SEPTIN9: variants seen among roughly 807,000 people sequenced by gnomAD.
SEPTIN9 encodes the protein septin-9.
A neutral mutation model predicts 56.6 loss-of-function variants in SEPTIN9; 13 were observed. The observed-to-expected ratio is 0.23, with a 90% confidence interval of 0.15 to 0.37. The LOEUF (loss-of-function observed/expected upper bound fraction) is 0.37. Among genes scored for constraint, SEPTIN9 ranks in the 10% least tolerant of loss-of-function variants. The probability of loss-of-function intolerance (pLI) is 1.00; values close to 1 mark genes in which losing one functional copy is unlikely to be tolerated. For synonymous variants in SEPTIN9, 332 were observed against 334.1 expected, an observed-to-expected ratio of 0.99 and a Z score of 0.07; for missense variants, 650 against 823.1, an observed-to-expected ratio of 0.79 and a Z score of 2.57.
intron 2 of SEPTIN9, among the ~76,000 whole-genome samples, chr17:77,351,808 T>C (rs942719754): frequency 1.3e-5 from 2 of 152,134 alleles, no homozygotes; most frequent in East Asian, 3.9e-4. Flanking sequence ...TCAGATGAGG[T>C]GCAGAGAAGG....
At position 77,326,056 on chromosome 17, in the gene SEPTIN9, T is replaced by C. The variant is rs2033127404; in HGVS notation, c.76+18859T>C. On this transcript the variant is annotated intron_variant, in intron 2 of 11. Transcript: ENST00000427177. The surrounding 1 kb of genome is among the most constrained non-coding windows in gnomAD (Gnocchi z 5.1). ...TTGGCTTGTCACCCCTGGAAGCACT[T>C]GCCATCCTTATACAGCACCCCACAC... 6.6e-6 allele frequency among the ~76,000 whole-genome samples: 1 copy of C among 152,130 alleles called. No individual in the cohort carries two copies. Among genetic ancestry groups the C allele is most frequent in the Non-Finnish European group, 1.5e-5 (1 of 68,008 alleles).
chr17:77,386,731 G>A (rs1250751866), intron 2 of SEPTIN9, among the ~76,000 whole-genome samples: 2 of 152,166 alleles, frequency 1.3e-5, no homozygotes, highest in African/African-American at 4.8e-5. Flanking sequence ...GGGAAAGATC[G>A]GGGAGGCCTC....
At chr17:77,484,996 G>A (rs796520845) in intron 4 of SEPTIN9, among the ~76,000 whole-genome samples, 2 of 106,766 alleles carry the variant, frequency 1.9e-5, no homozygotes, top group Non-Finnish European at 4.4e-5. Flanking sequence ...TTGTGATGGT[G>A]GTGAAGGGGG....
At chr17:77,484,910 A>T (rs1460290476) in intron 4 of SEPTIN9, among the ~76,000 whole-genome samples, 1 of 13,682 alleles carries the variant, frequency 7.3e-5, no homozygotes, top group East Asian at 2.5e-3. Flanking sequence ...GGTGATGGTG[A>T]TGATGGTGGT....
At chr17:77,403,959 AC>A (rs2144107251) in intron 3 of SEPTIN9, among the ~76,000 whole-genome samples, 1 of 152,212 alleles carries the variant, frequency 6.6e-6, no homozygotes, top group East Asian at 1.9e-4. Context: ...GCTGGCAGCC[AC>A]CATTCTATTT....
At chr17:77,385,337 A>C (rs1266554043) in intron 2 of SEPTIN9, among the ~76,000 whole-genome samples, 4 of 151,940 alleles carry the variant, frequency 2.6e-5, no homozygotes, top group African/African-American at 9.7e-5. Flanking sequence ...AGAATCCTAC[A>C]AGAGGAAAGC....
chr17:77,417,879 A>C (rs312910), intron 3 of SEPTIN9, among the ~76,000 whole-genome samples: 61,677 of 151,912 alleles, frequency 0.41, 13,010 homozygotes, highest in African/African-American at 0.5. Context: ...GGGTTGGGGC[A>C]CCTCAGCACC....
In SEPTIN9 at chr17:77,434,584, C is replaced by G. The variant is rs1368913618; in HGVS notation, c.721+31881C>G. On this transcript the variant is annotated intron_variant, in intron 3 of 11. Coordinates refer to ENST00000427177, the MANE Select transcript of SEPTIN9 (RefSeq NM_001113491.2). This position sits in a 1 kb window ranked among gnomAD's most constrained non-coding sequence, Gnocchi z 5.0. ...GACCCTCTGTGGGCTGCAGGTAGTC[C>G]CCTGTGGTTGAAGGTGCCCTGGCAG... Among the ~76,000 whole-genome samples the G allele has an allele frequency of 6.6e-6, 1 of 152,178 alleles. No homozygotes were observed. Among genetic ancestry groups the G allele is most frequent in the East Asian group, 1.9e-4 (1 of 5,196 alleles).
At chr17:77,358,943 AC>A (rs1306833409) in intron 2 of SEPTIN9, among the ~76,000 whole-genome samples, 1 of 152,148 alleles carries the variant, frequency 6.6e-6, no homozygotes, top group Admixed American at 6.5e-5. Context: ...GGGGCCCAGG[AC>A]AGCCCGGACC....
At chr17:77,360,608 A>G (rs1306096220) in intron 2 of SEPTIN9, among the ~76,000 whole-genome samples, 4 of 149,272 alleles carry the variant, frequency 2.7e-5, no homozygotes, top group African/African-American at 9.9e-5. Flanking sequence ...TCTGTCGCCC[A>G]GGCTGGCGTG....
intron 3 of SEPTIN9, among the ~76,000 whole-genome samples, chr17:77,454,619 G>A (rs545439094): frequency 2.6e-5 from 4 of 152,322 alleles, no homozygotes; most frequent in African/African-American, 4.8e-5. Context: ...GCCTTGCTCC[G>A]GGGCCTGTAG....
intron 3 of SEPTIN9, chr17:77,472,890 A>C (rs1486500160): frequency 6.6e-6 from 1 of 152,214 alleles, no homozygotes; most frequent in Non-Finnish European, 1.5e-5. Context: ...CCCCACCCAC[A>C]CACATTTGCA....
At chr17:77,284,634 A>G (rs1226215414) in intron 1 of SEPTIN9, among the ~76,000 whole-genome samples, 1 of 151,608 alleles carries the variant, frequency 6.6e-6, no homozygotes, top group East Asian at 1.9e-4. Flanking sequence ...AATTTTATTT[A>G]TTTATTTATT....
At position 77,436,961 on chromosome 17, in the gene SEPTIN9, T is replaced by G. The variant is rs1354345622; in HGVS notation, c.721+34258T>G. On this transcript the variant is annotated intron_variant, in intron 3 of 11. Transcript: ENST00000427177. This position sits in a 1 kb window ranked among gnomAD's most constrained non-coding sequence, Gnocchi z 4.4. ...TGAGTGGAAGATGCAGGACACAGAT[T>G]CACGCGATTGTGCAGATCACCTGGC... is the stretch of plus-strand genomic sequence containing the variant. Among the ~76,000 whole-genome samples, 1 of 152,206 alleles carries G rather than the reference T, an allele frequency of 6.6e-6. No individual in the cohort carries two copies. The highest frequency in any genetic ancestry group is 1.5e-5 in the Non-Finnish European group (1 of 68,026).
chr17:77,450,472 C>A lies in SEPTIN9; in HGVS notation c.722-31672C>A, dbSNP rs997146300. 10 of 985,264 alleles carry A rather than the reference C, an allele frequency of 1.0e-5. No individual in the cohort carries two copies. Among genetic ancestry groups the A allele is most frequent in the Admixed American group, 6.1e-5 (1 of 16,268 alleles). 61.0% of individuals were successfully genotyped at this position (985,264 alleles called of 1,614,324 possible). ...CCCCCAGCAAGCCCTCGGAACGAGCCCACTCCCAGGCGCTCTCTCCTAGTG... is the reference window on the plus strand; with the variant it reads ...CCCCCAGCAAGCCCTCGGAACGAGCACACTCCCAGGCGCTCTCTCCTAGTG... On this transcript the variant is annotated intron_variant, in intron 3 of 11. Coordinates refer to ENST00000427177, the MANE Select transcript of SEPTIN9 (RefSeq NM_001113491.2). This position sits in a 1 kb window ranked among gnomAD's most constrained non-coding sequence, Gnocchi z 6.0.
rs775390560 is a variant in SEPTIN9 at position 77,475,717 on chromosome 17, C to T, written c.722-6427C>T. 24 of 1,613,186 alleles carry T rather than the reference C, an allele frequency of 1.5e-5. No homozygotes were observed. The highest frequency in any genetic ancestry group is 1.4e-4 in the South Asian group (13 of 91,090). On this transcript the variant is annotated intron_variant, in intron 3 of 11. Coordinates refer to ENST00000427177, the MANE Select transcript of SEPTIN9 (RefSeq NM_001113491.2). The surrounding 1 kb of genome is among the most constrained non-coding windows in gnomAD (Gnocchi z 4.6). ...TGGATGGAGGCAAGGAAGTCTTCGC[C>T]GGGGCAAGGGCACCAGCTGTAGATG... is the stretch of plus-strand genomic sequence containing the variant.
intron 2 of SEPTIN9, among the ~76,000 whole-genome samples, chr17:77,352,769 A>G (rs1484622845): frequency 6.6e-6 from 1 of 152,120 alleles, no homozygotes; most frequent in Non-Finnish European, 1.5e-5. Context: ...GGCTCAAGCA[A>G]TCCTCCCACC....
chr17:77,465,056 C>T (rs1483488463), intron 3 of SEPTIN9, among the ~76,000 whole-genome samples: 1 of 152,224 alleles, frequency 6.6e-6, no homozygotes, highest in African/African-American at 2.4e-5. Flanking sequence ...TATGAATTCA[C>T]CTGTTCTAGA....
At chr17:77,351,453 G>C (rs1353369224) in intron 2 of SEPTIN9, among the ~76,000 whole-genome samples, 1 of 152,222 alleles carries the variant, frequency 6.6e-6, no homozygotes, top group Non-Finnish European at 1.5e-5. Flanking sequence ...TGGCACTGGG[G>C]ACATTGAGTG....
Sources: gnomAD v4.1 joint callset for allele counts (sites outside exome capture counted in the v4.1 genomes callset) on GRCh38, gnomAD v4.1.1 for gene constraint, Gnocchi (gnomAD v3.1) non-coding constraint, MANE v1.5 for transcripts, NCBI Gene and HGNC (gene_info 2026-07-23, HGNC 2026-07-21) for gene names.